HS1BP3: variants seen among roughly 807,000 people sequenced by gnomAD.
The protein encoded by HS1BP3 is HCLS1 binding protein 3.
A neutral mutation model predicts 33.5 loss-of-function variants in HS1BP3; 32 were observed. The ratio of observed to expected loss-of-function variants is 0.95; its 90% CI spans 0.72 to 1.28. The LOEUF is 1.28. HS1BP3 is among the 50% of genes most tolerant of loss of function. HS1BP3 has a pLI of 0.00. For synonymous variants in HS1BP3, 187 were observed against 209.2 expected (o/e 0.89, Z 0.92); for missense variants, 486 against 502.3 (o/e 0.97, Z 0.31).
chr2:20,586,421 G>A (rs537885306), intron 5 of HS1BP3: 4 of 152,108 alleles, frequency 2.6e-5, no homozygotes, highest in Non-Finnish European at 5.9e-5. Flanking sequence ...CCAATACACC[G>A]TCCTCTGGGG....
chr2:20,574,824 C>T (rs1693361456), intron 5 of HS1BP3, among the ~76,000 whole-genome samples: 1 of 152,156 alleles, frequency 6.6e-6, no homozygotes, highest in Non-Finnish European at 1.5e-5. Flanking sequence ...GCAGCAGATC[C>T]ACTGAACTGA....
downstream of HS1BP3, among the ~76,000 whole-genome samples, chr2:20,613,992 T>A (rs1175149062): frequency 6.6e-6 from 1 of 152,204 alleles, no homozygotes; most frequent in Non-Finnish European, 1.5e-5. Flanking sequence ...TGAGGTCATA[T>A]CAGATTACAG....
At chr2:20,588,736 C>G (rs1209491815), downstream of HS1BP3, among the ~76,000 whole-genome samples, 1 of 152,258 alleles carries the variant, frequency 6.6e-6, no homozygotes, top group Non-Finnish European at 1.5e-5. Context: ...GCCCTCCTCT[C>G]TGGCCTGTCA....
downstream of HS1BP3, among the ~76,000 whole-genome samples, chr2:20,589,338 G>A (rs1032426879): frequency 6.6e-6 from 1 of 152,134 alleles, no homozygotes; most frequent in African/African-American, 2.4e-5. Flanking sequence ...CTCTGACATG[G>A]GCGAGACCTC....
chr2:20,622,063 C>T (rs532232747), intron 6 of HS1BP3: 1 of 611,532 alleles, frequency 1.6e-6, no homozygotes, highest in Non-Finnish European at 2.4e-6. Flanking sequence ...CCTGGTGTGG[C>T]TGCACAGCCA....
downstream of HS1BP3, chr2:20,590,752 T>C (rs10177834): frequency 0.28 from 44,320 of 156,786 alleles, 7,326 homozygotes; most frequent in African/African-American, 0.48. Flanking sequence ...AGGCTAGACA[T>C]CCAAGGACGC....
chr2:20,574,838 A>G (rs1693361879), intron 5 of HS1BP3, among the ~76,000 whole-genome samples: 1 of 152,184 alleles, frequency 6.6e-6, no homozygotes. Flanking sequence ...GAACTGAGCT[A>G]GGAGAGAAGT....
Position 20,623,904 on chromosome 2 carries a change from T to C in HS1BP3, c.912A>G (p.Glu304=), listed in dbSNP as rs1694683606. ...CTGGGGACAGGTGGTACCTGAACAG[T>C]TCCTTGGAGGCGTCCCTGTGGCTGA... ...PSLSHRDASK[E]LFRVEEDLDQ... is the part of the protein sequence containing the mutation. Residue 304 remains glutamate, a synonymous_variant, in exon 6 of 7, where the codon GAA becomes GAG. Coordinates refer to ENST00000304031, the MANE Select transcript of HS1BP3 (RefSeq NM_022460.4). 2.5e-6 allele frequency: 4 copies of C among 1,611,964 alleles called. No individual in the cohort carries two copies. The highest frequency in any genetic ancestry group is 3.4e-6 in the Non-Finnish European group (4 of 1,179,840).
chr2:20,583,682 C>T (rs1385075393), intron 5 of HS1BP3, among the ~76,000 whole-genome samples: 1 of 152,202 alleles, frequency 6.6e-6, no homozygotes, highest in Non-Finnish European at 1.5e-5. Flanking sequence ...GACCTGGGCT[C>T]TCCTCCGTCC....
chr2:20,601,801 C>G, intron 2 of HS1BP3, among the ~76,000 whole-genome samples: 1 of 64,268 alleles, frequency 1.6e-5, no homozygotes, highest in Non-Finnish European at 3.1e-5. Context: ...TTTTTTGAGA[C>G]GGAGTCTTGC....
At chr2:20,586,023 T>C (rs1012591680) in intron 5 of HS1BP3, among the ~76,000 whole-genome samples, 1 of 152,092 alleles carries the variant, frequency 6.6e-6, no homozygotes, top group Non-Finnish European at 1.5e-5. Context: ...TAGCAAACAC[T>C]CTGCAGTGCC....
chr2:20,610,587 A>G (rs927492171), intron 2 of HS1BP3, among the ~76,000 whole-genome samples: 1 of 152,228 alleles, frequency 6.6e-6, no homozygotes, highest in Non-Finnish European at 1.5e-5. Flanking sequence ...CAGTGGAATC[A>G]TCACCTGGAT....
chr2:20,628,032 T>C (rs944569941), intron 4 of HS1BP3, among the ~76,000 whole-genome samples: 6 of 152,128 alleles, frequency 3.9e-5, no homozygotes, highest in African/African-American at 1.4e-4. Context: ...GGAAGAGGGA[T>C]AGGCTCCCAA....
intron 2 of HS1BP3, among the ~76,000 whole-genome samples, chr2:20,644,260 C>A (rs1695451084): frequency 6.6e-6 from 1 of 152,168 alleles, no homozygotes; most frequent in South Asian, 2.1e-4. Context: ...TAGATACCCA[C>A]CCAGTTCTCT....
At chr2:20,622,362 A>G in intron 6 of HS1BP3, 1 of 1,296,418 alleles carries the variant, frequency 7.7e-7, no homozygotes. Flanking sequence ...TTTCATTAGC[A>G]GATGTCTGCT....
intron 5 of HS1BP3, among the ~76,000 whole-genome samples, chr2:20,565,208 C>T (rs1291253880): frequency 6.6e-6 from 1 of 152,176 alleles, no homozygotes; most frequent in Non-Finnish European, 1.5e-5. Flanking sequence ...CAGCTCAGTG[C>T]CCGGCTGTGT....
chr2:20,624,377 G>A (rs1694703303), intron 5 of HS1BP3, among the ~76,000 whole-genome samples: 3 of 152,152 alleles, frequency 2.0e-5, no homozygotes, highest in South Asian at 4.1e-4. Flanking sequence ...TGAGGAAAGG[G>A]ACCAAGGGAT....
chr2:20,637,949 G>T, intron 4 of HS1BP3: 1 of 179,134 alleles, frequency 5.6e-6, no homozygotes, highest in South Asian at 1.7e-4. Context: ...GAGGAAAACC[G>T]AAGAAAAGAG....
chr2:20,554,830 A>G, the HS1BP3 span, among the ~76,000 whole-genome samples: 3 of 152,006 alleles, frequency 2.0e-5, no homozygotes, highest in African/African-American at 7.3e-5. Flanking sequence ...CATTTACCTT[A>G]GAGTGCTTCT....
Sources: allele counts gnomAD v4.1 joint callset (sites outside exome capture counted in the v4.1 genomes callset), GRCh38; gene constraint gnomAD v4.1.1; transcripts MANE v1.5; gene names NCBI Gene and HGNC (gene_info 2026-07-23, HGNC 2026-07-21).